The following ASMT variants were observed in gnomAD, a reference collection of about 807,000 sequenced individuals.
ASMT encodes the protein acetylserotonin O-methyltransferase.
ASMT carries 53 observed loss-of-function variants against 41.3 expected under a neutral mutation model. The observed-to-expected ratio is 1.28, with a 90% CI of 1.03 to 1.61. The LOEUF (loss-of-function observed/expected upper bound fraction) is 1.61. Ranked by LOEUF, ASMT falls within the 40% of genes most tolerant of loss-of-function variation. The pLI is 0.00. For synonymous variants in ASMT, 231 were observed against 184.8 expected, an observed-to-expected ratio of 1.25 and a Z score of -2.03; for missense variants, 531 against 441.3, an observed-to-expected ratio of 1.20 and a Z score of -1.82.
At chrX:1,625,951 T>A (rs1934532667) in intron 3 of ASMT, among the ~76,000 whole-genome samples, 2 of 66,092 alleles carry the variant, frequency 3.0e-5, no homozygotes, top group Non-Finnish European at 2.5e-5. Flanking sequence ...CGAGACTCCA[T>A]CTCAAAAAAA....
At chrX:1,620,733 A>G (rs1241507260) in intron 1 of ASMT, among the ~76,000 whole-genome samples, 1 of 151,982 alleles carries the variant, frequency 6.6e-6, no homozygotes, top group Non-Finnish European at 1.5e-5. Context: ...CTAAAAATAC[A>G]AAAAAATTAG....
At chrX:1,615,801 C>CAA (rs1321677024) in intron 1 of ASMT, among the ~76,000 whole-genome samples, 2 of 143,142 alleles carry the variant, frequency 1.4e-5, no homozygotes, top group African/African-American at 5.2e-5. Context: ...GACTCTGTGT[C>CAA]AAAAAAAAAC....
intron 1 of ASMT, among the ~76,000 whole-genome samples, chrX:1,616,240 G>C (rs1416124339): frequency 6.6e-6 from 1 of 151,304 alleles, no homozygotes; most frequent in Non-Finnish European, 1.5e-5. Context: ...TGTTGGCCAG[G>C]CTGGTCTCGA....
intron 1 of ASMT, among the ~76,000 whole-genome samples, chrX:1,616,670 G>T (rs1309482695): frequency 6.6e-6 from 1 of 151,342 alleles, no homozygotes; most frequent in African/African-American, 2.4e-5. Context: ...AGGAATTCGA[G>T]ACCAGTCTGG....
At chrX:1,623,725 C>T (rs1934421103) in intron 2 of ASMT, among the ~76,000 whole-genome samples, 1 of 152,194 alleles carries the variant, frequency 6.6e-6, no homozygotes, top group East Asian at 1.9e-4. Context: ...TCGAGACCAG[C>T]CTGGGCCACG....
At chrX:1,621,561 G>A (rs1239590446) in intron 1 of ASMT, among the ~76,000 whole-genome samples, 4 of 152,018 alleles carry the variant, frequency 2.6e-5, no homozygotes, top group African/African-American at 4.8e-5. Flanking sequence ...CAGGTGATCC[G>A]CCCACCTCGG....
chrX:1,617,197 G>A (rs189882673), intron 1 of ASMT, among the ~76,000 whole-genome samples: 12 of 151,352 alleles, frequency 7.9e-5, no homozygotes, highest in East Asian at 2.0e-4. Flanking sequence ...GGCAGGGCGC[G>A]GTGGCTCATG....
chrX:1,619,768 G>A (rs1350547579), intron 1 of ASMT, among the ~76,000 whole-genome samples: 1 of 151,600 alleles, frequency 6.6e-6, no homozygotes, highest in Non-Finnish European at 1.5e-5. Context: ...CAACTTTAAT[G>A]AATAAAACAA....
intron 8 of ASMT, among the ~76,000 whole-genome samples, chrX:1,641,734 C>A (rs1311457599): frequency 1.3e-5 from 2 of 148,922 alleles, no homozygotes. Context: ...GTCCACCCAT[C>A]CTGGTGGTCC....
intron 5 of ASMT, 110 bp downstream of exon 5, chrX:1,630,049 C>G: frequency 2.0e-6 from 2 of 1,005,062 alleles, no homozygotes; most frequent in Non-Finnish European, 3.2e-6. Flanking sequence ...ACATGTGCGG[C>G]CTTACTGGTC....
intron 1 of ASMT, among the ~76,000 whole-genome samples, chrX:1,618,146 C>CTTTTAT (rs1271052462): frequency 6.6e-6 from 1 of 151,860 alleles, no homozygotes; most frequent in Non-Finnish European, 1.5e-5. Context: ...GCCTGGCTAA[C>CTTTTAT]TTTTATTTTT....
chrX:1,628,838 T>G (rs1934658688), intron 4 of ASMT, among the ~76,000 whole-genome samples: 1 of 140,590 alleles, frequency 7.1e-6, no homozygotes, highest in Non-Finnish European at 1.5e-5. Context: ...CTTCTTTCTC[T>G]CATCTTCTCT....
At chrX:1,616,852 G>C (rs1459623645) in intron 1 of ASMT, among the ~76,000 whole-genome samples, 1 of 151,544 alleles carries the variant, frequency 6.6e-6, no homozygotes, top group African/African-American at 2.4e-5. Flanking sequence ...GGGATTACAG[G>C]CACCCGCCAC....
At chrX:1,627,351 G>C (rs35595432) in intron 3 of ASMT, among the ~76,000 whole-genome samples, 26,224 of 148,982 alleles carry the variant, frequency 0.18, 2,218 homozygotes, top group Non-Finnish European at 0.18. Flanking sequence ...GCCAGGTGTG[G>C]TGGCTCACAC....
At chrX:1,616,891 G>C (rs1381682750) in intron 1 of ASMT, among the ~76,000 whole-genome samples, 2 of 151,786 alleles carry the variant, frequency 1.3e-5, no homozygotes, top group Admixed American at 6.6e-5. Flanking sequence ...TGTATTTTTA[G>C]TAGAGACGGG....
chrX:1,640,563 G>C (rs1935109549), intron 8 of ASMT, among the ~76,000 whole-genome samples: 1 of 51,872 alleles, frequency 1.9e-5, no homozygotes, highest in African/African-American at 1.3e-4. Context: ...CCAGTGTCCT[G>C]TGAGATCCAT....
In ASMT at chrX:1,620,336, T is replaced by G. The variant is rs146404641; in HGVS notation, c.70-2803T>G. Among the ~76,000 whole-genome samples, 828 of 151,270 alleles carry G rather than the reference T, an allele frequency of 5.5e-3. 5 individuals are homozygous for G. Among genetic ancestry groups the G allele is most frequent in the African/African-American group, 0.019 (793 of 41,336 alleles). ...ACAGGCGTGCACCACCATGCCTACT[T>G]TTTGTATTTTTAGTAGAGACGGGGT... On this transcript the variant is annotated intron_variant, in intron 1 of 8. Coordinates refer to ENST00000381241, the MANE Select transcript of ASMT (RefSeq NM_001171038.2).
At chrX:1,636,640 C>G in intron 8 of ASMT, 80 bp downstream of exon 8, 5 of 1,608,186 alleles carry the variant, frequency 3.1e-6, no homozygotes, top group Non-Finnish European at 4.3e-6. Context: ...AAGGCAGGCA[C>G]TGAAATCATC....
chrX:1,636,550 T>G lies in ASMT; in HGVS notation c.900T>G (p.Thr300=). ...ACCTGCTGGAGAGGATCTACCACAC[T>G]TGCAAGCCAGGTAAGTTGTGGGGTT... ...CSHLLERIYH[T]CKPGGGILVI... is the part of the protein sequence containing the mutation. Residue 300 remains threonine (T), a synonymous_variant, in exon 8 of 9, where the codon ACT becomes ACG. Coordinates refer to ENST00000381241, the MANE Select transcript of ASMT (RefSeq NM_001171038.2). 1 of 1,611,446 alleles carries G rather than the reference T, an allele frequency of 6.2e-7. No homozygotes were observed. Among genetic ancestry groups the G allele is most frequent in the Non-Finnish European group, 8.5e-7 (1 of 1,179,366 alleles).
Sources: allele counts gnomAD v4.1 joint callset (sites outside exome capture counted in the v4.1 genomes callset), GRCh38; gene constraint gnomAD v4.1.1; transcripts MANE v1.5; gene names NCBI Gene and HGNC (gene_info 2026-07-23, HGNC 2026-07-21).